The following GRID2 variants were observed in gnomAD, a reference collection of about 807,000 sequenced individuals.
The protein encoded by GRID2 is glutamate receptor ionotropic, delta-2.
A neutral mutation model predicts 114.8 loss-of-function variants in GRID2; 33 were observed. The ratio of observed to expected loss-of-function variants is 0.29; its 90% CI spans 0.22 to 0.38. The LOEUF (loss-of-function observed/expected upper bound fraction) is 0.38, where lower values mean the gene tolerates loss of function less well. GRID2 is among the 10% of genes least tolerant of loss of function. GRID2 has a pLI of 1.00. For missense variants in GRID2, 1,184 were observed against 1,257.7 expected, an observed-to-expected ratio of 0.94 and a Z score of 0.89; for synonymous variants, 505 against 449.9, an observed-to-expected ratio of 1.12 and a Z score of -1.55.
chr4:92,491,865 G>T (rs552832109), intron 1 of GRID2, among the ~76,000 whole-genome samples: 2 of 151,976 alleles, frequency 1.3e-5, no homozygotes, highest in Non-Finnish European at 2.9e-5. Context: ...GTACTTTTTG[G>T]AGATATGCAT....
intron 2 of GRID2, among the ~76,000 whole-genome samples, chr4:92,862,514 G>C (rs893858200): frequency 6.6e-6 from 1 of 151,896 alleles, no homozygotes; most frequent in Non-Finnish European, 1.5e-5. Flanking sequence ...GCTGCTCCCT[G>C]TGTTTCCCTT....
intron 14 of GRID2, among the ~76,000 whole-genome samples, chr4:93,732,790 A>G (rs188057758): frequency 2.0e-4 from 31 of 152,176 alleles, no homozygotes; most frequent in Non-Finnish European, 5.9e-5. Flanking sequence ...TGCTTTTGAA[A>G]AAGGCAGCTT....
At chr4:92,527,275 A>G (rs1725089325) in intron 1 of GRID2, among the ~76,000 whole-genome samples, 2 of 152,150 alleles carry the variant, frequency 1.3e-5, no homozygotes. Flanking sequence ...TACACTAGAA[A>G]TGTAAACTGA....
intron 4 of GRID2, among the ~76,000 whole-genome samples, chr4:93,163,928 T>G (rs1051258193): frequency 2.0e-5 from 3 of 152,000 alleles, no homozygotes; most frequent in African/African-American, 7.2e-5. Flanking sequence ...TTTAGATTAA[T>G]ACAGAAGTTA....
At chr4:93,712,675 G>C (rs1728585581) in intron 14 of GRID2, among the ~76,000 whole-genome samples, 2 of 152,086 alleles carry the variant, frequency 1.3e-5, no homozygotes, top group African/African-American at 4.8e-5. Context: ...GCCTGTGAAA[G>C]TATTCAACTG....
At chr4:92,530,048 G>T (rs113063192) in intron 1 of GRID2, among the ~76,000 whole-genome samples, 1 of 145,594 alleles carries the variant, frequency 6.9e-6, no homozygotes, top group African/African-American at 2.5e-5. Context: ...GATAAGAAGG[G>T]TTTTTTTTTT....
At chr4:92,640,862 T>G (rs1399865630) in intron 2 of GRID2, among the ~76,000 whole-genome samples, 1 of 151,900 alleles carries the variant, frequency 6.6e-6, no homozygotes, top group Non-Finnish European at 1.5e-5. Flanking sequence ...ATATTTTCCT[T>G]AAATATTTAC....
intron 13 of GRID2, among the ~76,000 whole-genome samples, chr4:93,589,905 T>C (rs1206676980): frequency 6.6e-6 from 1 of 151,128 alleles, no homozygotes; most frequent in Non-Finnish European, 1.5e-5. Flanking sequence ...GGGTTGTTTG[T>C]TTTGTTCTTG....
intron 14 of GRID2, among the ~76,000 whole-genome samples, chr4:93,696,109 T>C (rs1578593393): frequency 6.6e-6 from 1 of 152,216 alleles, no homozygotes; most frequent in Non-Finnish European, 1.5e-5. Context: ...AAAGGTAACA[T>C]ATTCCACATG....
Position 93,250,988 on chromosome 4 carries a change from C to T in GRID2, c.1245+12498C>T, listed in dbSNP as rs1052998699. Among the ~76,000 whole-genome samples, 6 of 151,720 alleles carry T rather than the reference C, an allele frequency of 4.0e-5. No individual in the cohort carries two copies. In the East Asian group the frequency reaches 1.2e-3, roughly 29 times the overall value. Reference sequence around the variant, plus strand: ...TTTTACTAGGACCTTAAACACATACCCCCTGTTAATGTAAAGATGTCCTTA... The same window carrying T: ...TTTTACTAGGACCTTAAACACATACTCCCTGTTAATGTAAAGATGTCCTTA... On this transcript the variant is annotated intron_variant, in intron 8 of 15. Transcript: ENST00000282020.
chr4:93,347,879 T>C (rs1760399940), intron 8 of GRID2, among the ~76,000 whole-genome samples: 2 of 152,116 alleles, frequency 1.3e-5, no homozygotes, highest in African/African-American at 4.8e-5. Flanking sequence ...TGAAAGCTGG[T>C]TGCTGCATTG....
At chr4:92,976,627 G>A (rs1317480388) in intron 2 of GRID2, among the ~76,000 whole-genome samples, 1 of 151,960 alleles carries the variant, frequency 6.6e-6, no homozygotes, top group Admixed American at 6.6e-5. Context: ...AGACTACAAG[G>A]CAATTTAGTA....
At chr4:93,139,164 A>G (rs1735534591) in intron 4 of GRID2, among the ~76,000 whole-genome samples, 1 of 152,204 alleles carries the variant, frequency 6.6e-6, no homozygotes, top group Admixed American at 6.5e-5. Flanking sequence ...CATGAATGTT[A>G]ATGCAATTAT....
At chr4:92,369,888 A>G (rs1052969394) in intron 1 of GRID2, among the ~76,000 whole-genome samples, 2 of 152,230 alleles carry the variant, frequency 1.3e-5, no homozygotes, top group African/African-American at 4.8e-5. Flanking sequence ...ACATTTGTTC[A>G]TAGGTTCTTT....
chr4:93,526,557 C>T (rs1022254541), intron 13 of GRID2, among the ~76,000 whole-genome samples: 1 of 152,210 alleles, frequency 6.6e-6, no homozygotes, highest in Non-Finnish European at 1.5e-5. Context: ...CGCCTGTAAT[C>T]CCAGCACTTT....
intron 1 of GRID2, among the ~76,000 whole-genome samples, chr4:92,580,668 A>C (rs1020408276): frequency 9.9e-5 from 15 of 152,052 alleles, no homozygotes; most frequent in African/African-American, 3.6e-4. Context: ...TCACATTCAC[A>C]TTATGGTTTC....
chr4:93,515,548 G>C (rs1325132440), intron 13 of GRID2, 137 bp downstream of exon 13: 2 of 602,024 alleles, frequency 3.3e-6, no homozygotes, highest in African/African-American at 3.7e-5. Context: ...CTGTTACAAT[G>C]CATCTTATAT....
chr4:93,459,989 A>G (rs1164773132), intron 11 of GRID2, among the ~76,000 whole-genome samples: 4 of 152,272 alleles, frequency 2.6e-5, no homozygotes, highest in Admixed American at 2.0e-4. Flanking sequence ...CTTCTTATCT[A>G]GAAAGATTAG....
At chr4:92,328,138 T>C (rs953176564) in intron 1 of GRID2, among the ~76,000 whole-genome samples, 1 of 151,976 alleles carries the variant, frequency 6.6e-6, no homozygotes, top group African/African-American at 2.4e-5. Flanking sequence ...AATACACACA[T>C]TCAAGAGGGA....
Sources: allele counts gnomAD v4.1 joint callset (sites outside exome capture counted in the v4.1 genomes callset), GRCh38; gene constraint gnomAD v4.1.1; transcripts MANE v1.5; gene names NCBI Gene and HGNC (gene_info 2026-07-23, HGNC 2026-07-21).